DCLK1: variants seen among roughly 807,000 people sequenced by gnomAD.
DCLK1 encodes doublecortin like kinase 1.
A neutral mutation model predicts 86.2 loss-of-function variants in DCLK1; 16 were observed. The ratio of observed to expected loss-of-function variants is 0.19; its 90% confidence interval spans 0.13 to 0.28. The LOEUF is 0.28. Among genes scored for constraint, DCLK1 ranks in the 10% least tolerant of loss-of-function variants. The pLI is 1.00. For synonymous variants in DCLK1, 369 were observed against 370.5 expected (o/e 1.00, Z 0.05); for missense variants, 590 against 940.2 (o/e 0.63, Z 4.87).
intron 5 of DCLK1, chr13:35,855,797 C>T (rs903035871): frequency 7.9e-7 from 1 of 1,262,326 alleles, no homozygotes; most frequent in African/African-American, 1.5e-5. Flanking sequence ...CAACCCCCAT[C>T]CCGACACCAC....
Position 36,039,930 on chromosome 13 carries a change from AT to A in DCLK1, c.723+71938del, listed in dbSNP as rs1003205144. Among the ~76,000 whole-genome samples, 577 of 142,878 alleles carry A rather than the reference AT, an allele frequency of 4.0e-3. 1 individual carries two copies. Among genetic ancestry groups the A allele is most frequent in the Middle Eastern group, 7.4e-3 (2 of 272 alleles). 93.7% of individuals were successfully genotyped at this position (142,878 alleles called of 152,430 possible). On this transcript the variant is annotated intron_variant, in intron 3 of 16. Coordinates refer to ENST00000360631, the MANE Select transcript of DCLK1 (RefSeq NM_001330071.2). ...ACTTTTCTTTTTAAATTTAAACTTA[AT>A]TTTTTTTTTTTTTTAGATACAAGGT...
intron 3 of DCLK1, among the ~76,000 whole-genome samples, chr13:35,983,564 T>C (rs544643159): frequency 3.3e-5 from 5 of 152,290 alleles, no homozygotes; most frequent in South Asian, 4.1e-4. Flanking sequence ...AGGGTGACTA[T>C]AGTCAATAAT....
intron 5 of DCLK1, among the ~76,000 whole-genome samples, chr13:35,864,083 C>T (rs1283460015): frequency 6.6e-6 from 1 of 152,150 alleles, no homozygotes; most frequent in Non-Finnish European, 1.5e-5. Context: ...TATAGATTCT[C>T]AATGCATACT....
chr13:36,129,490 G>A (rs1886294673), intron 1 of DCLK1, among the ~76,000 whole-genome samples: 1 of 152,158 alleles, frequency 6.6e-6, no homozygotes. Context: ...TCATTTTCAA[G>A]GCTACAGCTA....
intron 4 of DCLK1, among the ~76,000 whole-genome samples, chr13:35,921,968 T>A (rs1022873995): frequency 1.1e-4 from 16 of 152,096 alleles, no homozygotes; most frequent in African/African-American, 3.9e-4. Context: ...TAAAAATAAA[T>A]AGAGAAACAT....
intron 6 of DCLK1, among the ~76,000 whole-genome samples, chr13:35,845,583 A>G (rs1870117618): frequency 1.3e-5 from 2 of 152,130 alleles, no homozygotes; most frequent in Non-Finnish European, 2.9e-5. Context: ...TCTTCTCCTC[A>G]ATGAGTTATC....
chr13:35,978,750 CAAG>C (rs893460373), intron 3 of DCLK1, among the ~76,000 whole-genome samples: 3 of 152,290 alleles, frequency 2.0e-5, no homozygotes, highest in South Asian at 4.1e-4. Flanking sequence ...CTTACCCTGA[CAAG>C]AGATTACGTT....
intron 3 of DCLK1, among the ~76,000 whole-genome samples, chr13:35,980,484 G>C (rs913809045): frequency 6.7e-6 from 1 of 149,868 alleles, no homozygotes; most frequent in Admixed American, 6.6e-5. Context: ...TGTTCCCCCC[G>C]GCAACTACTT....
chr13:35,838,966 G>T, intron 7 of DCLK1, 126 bp downstream of exon 7: 1 of 803,266 alleles, frequency 1.2e-6, no homozygotes, highest in Non-Finnish European at 2.0e-6. Context: ...CTATCCCCTT[G>T]TGATTGACCC....
chr13:35,864,058 A>G (rs1252200136), intron 5 of DCLK1, among the ~76,000 whole-genome samples: 3 of 152,156 alleles, frequency 2.0e-5, no homozygotes, highest in East Asian at 1.9e-4. Context: ...CCAGCACCCA[A>G]CGTTGCCGGT....
intron 4 of DCLK1, among the ~76,000 whole-genome samples, 160 bp downstream of exon 4, chr13:35,947,198 A>G (rs1047953462): frequency 6.6e-6 from 1 of 151,370 alleles, no homozygotes. Context: ...TCCATATTTA[A>G]AAAAAAAATC....
At chr13:36,008,597 C>G (rs941482198) in intron 3 of DCLK1, among the ~76,000 whole-genome samples, 6 of 132,756 alleles carry the variant, frequency 4.5e-5, no homozygotes, top group African/African-American at 1.7e-4. Context: ...TGTATATGTG[C>G]CACATTTTCT....
At chr13:35,867,131 T>C (rs780960358) in intron 5 of DCLK1, among the ~76,000 whole-genome samples, 1 of 152,208 alleles carries the variant, frequency 6.6e-6, no homozygotes, top group Non-Finnish European at 1.5e-5. Flanking sequence ...TCTAAATTGG[T>C]ACCATCCAAA....
intron 6 of DCLK1, among the ~76,000 whole-genome samples, chr13:35,842,524 C>G (rs894123409): frequency 2.6e-5 from 4 of 151,918 alleles, no homozygotes; most frequent in African/African-American, 9.7e-5. Flanking sequence ...AAAAAAAAAA[C>G]CTGGTGCTTG....
Position 35,822,647 on chromosome 13 carries a change from G to T in DCLK1, c.1554+82C>A, listed in dbSNP as rs1593627851. ...CCTTTCAGGTAAATTTTTAAAAAAAGAAAGAAAAGAAAAAAGAAATATTCA... is the reference window on the plus strand; with the variant it reads ...CCTTTCAGGTAAATTTTTAAAAAAATAAAGAAAAGAAAAAAGAAATATTCA... On this transcript the variant is annotated intron_variant, in intron 11 of 16. Coordinates refer to ENST00000360631, the MANE Select transcript of DCLK1 (RefSeq NM_001330071.2). 6 of 1,584,178 alleles carry T rather than the reference G, an allele frequency of 3.8e-6. No individual in the cohort carries two copies. The East Asian group carries it at 1.3e-4, about 36-fold the overall frequency.
intron 6 of DCLK1, among the ~76,000 whole-genome samples, chr13:35,852,025 G>A (rs1395892548): frequency 6.6e-6 from 1 of 151,834 alleles, no homozygotes; most frequent in East Asian, 1.9e-4. Flanking sequence ...GTGTGTGTGT[G>A]TTGGGGTGGG....
At position 35,808,999 on chromosome 13, in the gene DCLK1, A is replaced by T; in HGVS notation, c.1766+19T>A. 1 of 1,607,732 alleles carries T rather than the reference A, an allele frequency of 6.2e-7. No individual in the cohort carries two copies. The highest frequency in any genetic ancestry group is 1.3e-5 in the African/African-American group (1 of 74,896). On this transcript the variant is annotated intron_variant, in intron 13 of 16. Transcript: ENST00000360631. ...GAGAAATGCTTTGTCGGCGCTGAAT[A>T]AAAGATTGTTGCCCATACCCACGGA...
At chr13:36,048,291 G>T (rs1173757068) in intron 3 of DCLK1, among the ~76,000 whole-genome samples, 1 of 152,010 alleles carries the variant, frequency 6.6e-6, no homozygotes, top group Non-Finnish European at 1.5e-5. Context: ...TTAAATGTTA[G>T]CCCAAGAAAG....
intron 2 of DCLK1, among the ~76,000 whole-genome samples, chr13:36,117,836 G>C (rs1566019483): frequency 6.6e-6 from 1 of 152,076 alleles, no homozygotes; most frequent in Non-Finnish European, 1.5e-5. Context: ...TCCACCACAA[G>C]GCAGTAAGTA....
Sources: allele counts gnomAD v4.1 joint callset (sites outside exome capture counted in the v4.1 genomes callset), GRCh38; gene constraint gnomAD v4.1.1; transcripts MANE v1.5; gene names NCBI Gene and HGNC (gene_info 2026-07-23, HGNC 2026-07-21).